The following SMG6 variants were observed in gnomAD, a reference collection of about 807,000 sequenced individuals.
SMG6 encodes SMG6 nonsense mediated mRNA decay factor, also known as telomerase-binding protein EST1A.
A neutral mutation model predicts 142.2 loss-of-function variants in SMG6; 66 were observed. That is an observed-to-expected ratio of 0.46 (90% CI 0.38 to 0.57). The LOEUF (loss-of-function observed/expected upper bound fraction) is 0.57, where lower values mean the gene tolerates loss of function less well. SMG6 is among the 20% of genes least tolerant of loss of function. SMG6 has a pLI of 0.00. For missense variants in SMG6, 1,793 were observed against 1,832.0 expected (o/e 0.98, Z 0.39); for synonymous variants, 779 against 702.4 (o/e 1.11, Z -1.72).
At chr17:2,223,556 T>C (rs2073236240) in intron 10 of SMG6, among the ~76,000 whole-genome samples, 1 of 152,168 alleles carries the variant, frequency 6.6e-6, no homozygotes, top group South Asian at 2.1e-4. Flanking sequence ...AAGGATTTCA[T>C]GGGCCAGCAA....
chr17:2,285,224 C>T (rs907234745), intron 6 of SMG6, among the ~76,000 whole-genome samples: 4 of 152,030 alleles, frequency 2.6e-5, no homozygotes, highest in Non-Finnish European at 4.4e-5. Flanking sequence ...CTACTGTACA[C>T]GTGTTGTGTT....
intron 15 of SMG6, among the ~76,000 whole-genome samples, chr17:2,073,378 C>G (rs2068163151): frequency 6.6e-6 from 1 of 151,922 alleles, no homozygotes; most frequent in African/African-American, 2.4e-5. Flanking sequence ...GCCACTGTGC[C>G]CAGCGTTTTT....
chr17:2,303,522 G>A (rs1302814290), intron 1 of SMG6, 111 bp downstream of exon 1: 13 of 1,335,496 alleles, frequency 9.7e-6, no homozygotes, highest in African/African-American at 1.5e-5. Flanking sequence ...CTACTGCTGG[G>A]GGAAGGGGCG....
At chr17:2,297,010 GA>G (rs374673133) in intron 4 of SMG6, among the ~76,000 whole-genome samples, 1,116 of 60,900 alleles carry the variant, frequency 0.018, 8 homozygotes, top group East Asian at 0.067. Context: ...CTCAAAAAAT[GA>G]AAAAAAAAAA....
chr17:2,237,971 T>A (rs557344351), intron 9 of SMG6, among the ~76,000 whole-genome samples: 1 of 152,334 alleles, frequency 6.6e-6, no homozygotes, highest in African/African-American at 2.4e-5. Flanking sequence ...CAGCTCCAGG[T>A]TGGATTAACA....
chr17:2,265,753 C>T (rs1235074098), intron 8 of SMG6, among the ~76,000 whole-genome samples: 1 of 152,194 alleles, frequency 6.6e-6, no homozygotes, highest in East Asian at 1.9e-4. Context: ...AGCTCATAGG[C>T]CACTGGCAAT....
intron 13 of SMG6, among the ~76,000 whole-genome samples, chr17:2,154,193 G>A (rs58501609): frequency 6.9e-6 from 1 of 145,728 alleles, no homozygotes; most frequent in Non-Finnish European, 1.5e-5. Flanking sequence ...GGTGACGGGG[G>A]AACCTGGGGA....
intron 8 of SMG6, among the ~76,000 whole-genome samples, chr17:2,252,338 T>C (rs1013740020): frequency 7.3e-5 from 11 of 151,032 alleles, no homozygotes; most frequent in Admixed American, 1.3e-4. Context: ...AGGTGGAGAC[T>C]GCAGTGAGCC....
intron 4 of SMG6, among the ~76,000 whole-genome samples, chr17:2,295,861 T>C (rs74465086): frequency 0.018 from 2,773 of 152,302 alleles, 105 homozygotes; most frequent in African/African-American, 0.064. Flanking sequence ...TCCCCTGGAC[T>C]ACCAGCTGGG....
intron 13 of SMG6, among the ~76,000 whole-genome samples, chr17:2,166,638 T>C (rs941017255): frequency 7.2e-5 from 11 of 152,266 alleles, no homozygotes; most frequent in Non-Finnish European, 1.6e-4. Flanking sequence ...TTTATGTTTT[T>C]TGTAGGGACA....
chr17:2,161,692 G>A (rs750378090), intron 13 of SMG6, among the ~76,000 whole-genome samples: 3 of 150,206 alleles, frequency 2.0e-5, no homozygotes, highest in Non-Finnish European at 4.4e-5. Flanking sequence ...ACCACTCAGA[G>A]CACTCTCAAG....
At chr17:2,197,573 C>T (rs1222368225) in intron 10 of SMG6, among the ~76,000 whole-genome samples, 3 of 151,462 alleles carry the variant, frequency 2.0e-5, no homozygotes, top group East Asian at 1.9e-4. Context: ...AAAAAAACAA[C>T]ACATAAAGAA....
intron 12 of SMG6, among the ~76,000 whole-genome samples, chr17:2,178,911 A>C (rs2071726036): frequency 1.3e-5 from 2 of 152,196 alleles, no homozygotes; most frequent in Non-Finnish European, 2.9e-5. Context: ...TTCTTAGCTT[A>C]GCACACACTG....
chr17:2,231,215 G>T (rs1183106607), intron 10 of SMG6, among the ~76,000 whole-genome samples: 1 of 152,138 alleles, frequency 6.6e-6, no homozygotes, highest in African/African-American at 2.4e-5. Context: ...GGACACTTCG[G>T]TTGCGAACCA....
chr17:2,120,944 T>C (rs1056732956), intron 13 of SMG6, among the ~76,000 whole-genome samples: 8 of 152,046 alleles, frequency 5.3e-5, no homozygotes, highest in African/African-American at 1.9e-4. Flanking sequence ...GCGTAAAATA[T>C]AATAGCACCA....
intron 13 of SMG6, among the ~76,000 whole-genome samples, chr17:2,162,692 T>C (rs1413316001): frequency 6.6e-6 from 1 of 151,898 alleles, no homozygotes; most frequent in Non-Finnish European, 1.5e-5. Context: ...ACCAAAAAAC[T>C]TCACTTATAT....
intron 8 of SMG6, among the ~76,000 whole-genome samples, chr17:2,254,860 G>T (rs2074129287): frequency 6.6e-6 from 1 of 152,100 alleles, no homozygotes; most frequent in African/African-American, 2.4e-5. Flanking sequence ...AGGATGCTGT[G>T]GAAATATACA....
chr17:2,294,700 T>C (rs1208094283), intron 4 of SMG6, among the ~76,000 whole-genome samples: 1 of 152,140 alleles, frequency 6.6e-6, no homozygotes, highest in African/African-American at 2.4e-5. Flanking sequence ...CCCTTTACAG[T>C]ATACACCCCC....
At chr17:2,219,903 C>G (rs2073126687) in intron 10 of SMG6, among the ~76,000 whole-genome samples, 1 of 151,856 alleles carries the variant, frequency 6.6e-6, no homozygotes, top group South Asian at 2.1e-4. Flanking sequence ...CACCCAACAA[C>G]CAAACTTCTA....
Sources: allele counts gnomAD v4.1 joint callset (sites outside exome capture counted in the v4.1 genomes callset), GRCh38; gene constraint gnomAD v4.1.1; transcripts MANE v1.5; gene names NCBI Gene and HGNC (gene_info 2026-07-23, HGNC 2026-07-21).